Variants in CCBE1 observed in about 807,000 individuals in gnomAD.
The protein encoded by CCBE1 is collagen and calcium-binding EGF domain-containing protein 1.
Under a neutral mutation model 50.0 loss-of-function variants are expected in CCBE1, and 37 were observed. The observed-to-expected ratio is 0.74, with a 90% CI of 0.57 to 0.97. The LOEUF is 0.97. CCBE1 is among the 50% of genes least tolerant of loss of function. The probability of loss-of-function intolerance (pLI) is 0.00; values close to 1 mark genes in which losing one functional copy is unlikely to be tolerated. For synonymous variants in CCBE1, 234 were observed against 203.7 expected (o/e 1.15, Z -1.27); for missense variants, 538 against 523.8 (o/e 1.03, Z -0.26).
chr18:59,615,088 C>T (rs955297254), intron 2 of CCBE1, among the ~76,000 whole-genome samples: 3 of 152,216 alleles, frequency 2.0e-5, no homozygotes, highest in Non-Finnish European at 2.9e-5. Flanking sequence ...TCTCCACCTG[C>T]CCTGTCGATG....
chr18:59,697,481 G>T, upstream of CCBE1: 1 of 1,138,888 alleles, frequency 8.8e-7, no homozygotes, highest in Non-Finnish European at 1.2e-6. Flanking sequence ...TGCACGGGGA[G>T]CAGGGGTCCG....
Position 59,432,460 on chromosome 18 carries a change from C to A in CCBE1, c.*3448G>T, listed in dbSNP as rs559315221. 2.6e-5 allele frequency: 4 copies of A among 152,104 alleles called. No homozygotes were observed. Among genetic ancestry groups the A allele is most frequent in the Non-Finnish European group, 5.9e-5 (4 of 68,028 alleles). 9.4% of individuals were successfully genotyped at this position (152,104 alleles called of 1,614,324 possible). On this transcript the variant is annotated 3_prime_UTR_variant, in exon 11 of 11. Coordinates refer to ENST00000439986, the MANE Select transcript of CCBE1 (RefSeq NM_133459.4). ...GTTACAAATCTTACCCCAGAAATAGCTTTCCCATTAGGTTTTGAGCAGAAG... is the reference window on the plus strand; with the variant it reads ...GTTACAAATCTTACCCCAGAAATAGATTTCCCATTAGGTTTTGAGCAGAAG...
At chr18:59,664,375 A>C (rs1450640588) in intron 2 of CCBE1, among the ~76,000 whole-genome samples, 1 of 152,158 alleles carries the variant, frequency 6.6e-6, no homozygotes, top group Non-Finnish European at 1.5e-5. Flanking sequence ...GAGAAAGGAC[A>C]GTCCATATGT....
intron 2 of CCBE1, among the ~76,000 whole-genome samples, chr18:59,615,990 T>C (rs1298357959): frequency 1.3e-5 from 2 of 152,224 alleles, no homozygotes; most frequent in African/African-American, 4.8e-5. Context: ...TCTAAAGGCA[T>C]CACAGAATCT....
intron 2 of CCBE1, among the ~76,000 whole-genome samples, chr18:59,653,568 T>G (rs1483072902): frequency 3.3e-5 from 5 of 152,226 alleles, no homozygotes; most frequent in Non-Finnish European, 7.3e-5. Flanking sequence ...ATTAGTGCCA[T>G]GATTTCTGCT....
intron 2 of CCBE1, among the ~76,000 whole-genome samples, chr18:59,551,023 A>AAAGAAAAAAGAAAAAAG (rs1568201628): frequency 2.1e-5 from 3 of 141,442 alleles, no homozygotes; most frequent in African/African-American, 8.3e-5. Context: ...AAAAAAAAAA[A>AAAGAAAAAAGAAAAAAG]AAAAAAGAAA....
chr18:59,442,010 T>C (rs1350008639), intron 7 of CCBE1, among the ~76,000 whole-genome samples: 1 of 152,214 alleles, frequency 6.6e-6, no homozygotes, highest in African/African-American at 2.4e-5. Flanking sequence ...TTTTCCATGA[T>C]TGCCTCCTTC....
chr18:59,548,653 C>G (rs1307932613), intron 2 of CCBE1, among the ~76,000 whole-genome samples: 1 of 152,112 alleles, frequency 6.6e-6, no homozygotes, highest in Non-Finnish European at 1.5e-5. Context: ...ACACCACAAG[C>G]AAAGAAATAC....
intron 2 of CCBE1, among the ~76,000 whole-genome samples, chr18:59,547,132 A>G (rs1226006103): frequency 3.9e-5 from 5 of 127,332 alleles, no homozygotes; most frequent in African/African-American, 1.2e-4. Flanking sequence ...GAAAGGAGAG[A>G]GAGGGGAGAG....
At chr18:59,455,120 G>T in intron 5 of CCBE1, 169 bp from the exon 6 acceptor site, 1 of 696,106 alleles carries the variant, frequency 1.4e-6, no homozygotes, top group East Asian at 2.7e-5. Context: ...GCATGCCCCA[G>T]GGTCAGGGAA....
chr18:59,522,096 A>G (rs1176482446), intron 2 of CCBE1, among the ~76,000 whole-genome samples: 1 of 150,652 alleles, frequency 6.6e-6, no homozygotes, highest in Non-Finnish European at 1.5e-5. Flanking sequence ...ATTATATTCC[A>G]TCAGAGGGAC....
At chr18:59,436,227 C>T in intron 10 of CCBE1, 86 bp from the exon 11 acceptor site, 7 of 1,162,622 alleles carry the variant, frequency 6.0e-6, no homozygotes, top group Non-Finnish European at 9.0e-6. Flanking sequence ...TGCTTGCTGG[C>T]AACTACTTTC....
intron 2 of CCBE1, among the ~76,000 whole-genome samples, chr18:59,573,111 C>T (rs1255742151): frequency 6.6e-6 from 1 of 151,158 alleles, no homozygotes; most frequent in African/African-American, 2.4e-5. Flanking sequence ...ATGGTAAAAC[C>T]CTGTCTCTAC....
chr18:59,547,709 C>T (rs1389379841), intron 2 of CCBE1, among the ~76,000 whole-genome samples: 1 of 152,178 alleles, frequency 6.6e-6, no homozygotes, highest in African/African-American at 2.4e-5. Flanking sequence ...GGCTACACTT[C>T]ATGAAATGGT....
At chr18:59,520,827 C>G (rs916972649) in intron 2 of CCBE1, among the ~76,000 whole-genome samples, 1 of 152,196 alleles carries the variant, frequency 6.6e-6, no homozygotes, top group African/African-American at 2.4e-5. Flanking sequence ...TTTTCAAAAT[C>G]ATAAGATCCT....
chr18:59,662,681 C>T (rs1244491651), intron 2 of CCBE1, among the ~76,000 whole-genome samples: 4 of 152,202 alleles, frequency 2.6e-5, no homozygotes, highest in Non-Finnish European at 4.4e-5. Context: ...GAGCTAAGCC[C>T]AGTCATAAAG....
chr18:59,490,393 T>G (rs1913042566), intron 2 of CCBE1, among the ~76,000 whole-genome samples: 1 of 151,822 alleles, frequency 6.6e-6, no homozygotes, highest in Non-Finnish European at 1.5e-5. Context: ...CCCCCTTTTT[T>G]TTTTTTTGCA....
In CCBE1 at chr18:59,643,001, T is replaced by C. The variant is rs894243720; in HGVS notation, c.212+53628A>G. ...ATGAAGGATAAATGTATGTCAAAAG[T>C]AGAGGGCTACAGTACAGAAAATGTT... On this transcript the variant is annotated intron_variant, in intron 2 of 10. Transcript: ENST00000439986. 6.9e-5 allele frequency among the ~76,000 whole-genome samples: 10 copies of C among 145,298 alleles called. No individual in the cohort carries two copies. In the East Asian group the frequency reaches 1.2e-3, roughly 17 times the overall value.
At chr18:59,623,693 G>A (rs147623600) in intron 2 of CCBE1, among the ~76,000 whole-genome samples, 6 of 152,230 alleles carry the variant, frequency 3.9e-5, no homozygotes, top group East Asian at 1.9e-4. Flanking sequence ...TTGGAGGGCC[G>A]GGGGCTGAGG....
Sources: gnomAD v4.1 joint callset for allele counts (sites outside exome capture counted in the v4.1 genomes callset) on GRCh38, gnomAD v4.1.1 for gene constraint, MANE v1.5 for transcripts, NCBI Gene and HGNC (gene_info 2026-07-23, HGNC 2026-07-21) for gene names.